MED13L: variants seen among roughly 807,000 people sequenced by gnomAD.
MED13L encodes mediator of RNA polymerase II transcription subunit 13-like.
MED13L carries 7 observed loss-of-function variants against 220.9 expected under a neutral mutation model. The ratio of observed to expected loss-of-function variants is 0.03; its 90% confidence interval spans 0.02 to 0.06. MED13L has a LOEUF of 0.06. Ranked by LOEUF, MED13L falls within the 10% of genes least tolerant of loss-of-function variation. The probability of loss-of-function intolerance (pLI) is 1.00; values close to 1 mark genes in which losing one functional copy is unlikely to be tolerated. For synonymous variants in MED13L, 1,011 were observed against 1,015.2 expected, an observed-to-expected ratio of 1.00 and a Z score of 0.08; for missense variants, 1,965 against 2,760.5, an observed-to-expected ratio of 0.71 and a Z score of 6.46.
rs1232643330 is a variant in MED13L at position 115,959,556 on chromosome 12, CTGAT to C, written c.*1706_*1709del. The C allele has an allele frequency of 1.3e-5, 2 of 152,476 alleles. No homozygotes were observed. Among genetic ancestry groups the C allele is most frequent in the Non-Finnish European group, 1.5e-5 (1 of 67,998 alleles). 9.4% of individuals were successfully genotyped at this position (152,476 alleles called of 1,614,324 possible). A position where few individuals can be genotyped will look rare whatever the true frequency, so the allele number is the denominator to read the frequency against. Reference sequence around the variant, plus strand: ...CAAAAGGCCTTGAGAATTTTCCTTTCTGATTAAGAAAAAATAGCACTGCAATATT... The same window carrying C: ...CAAAAGGCCTTGAGAATTTTCCTTTCTAAGAAAAAATAGCACTGCAATATT... On this transcript the variant is annotated 3_prime_UTR_variant, in exon 31 of 31. Coordinates refer to ENST00000281928, the MANE Select transcript of MED13L (RefSeq NM_015335.5).
intron 2 of MED13L, among the ~76,000 whole-genome samples, chr12:116,183,943 G>A (rs561875148): frequency 6.6e-6 from 1 of 151,986 alleles, no homozygotes; most frequent in Admixed American, 6.6e-5. Context: ...GAAATTCTGA[G>A]GTTTGTACAT....
intron 7 of MED13L, 135 bp from the exon 8 acceptor site, chr12:116,015,409 C>A (rs1353120378): frequency 1.1e-6 from 1 of 889,582 alleles, no homozygotes; most frequent in Non-Finnish European, 1.8e-6. Context: ...TATCCCCTGG[C>A]AATAACACTA....
chr12:116,234,844 G>C (rs1328219460), intron 2 of MED13L, among the ~76,000 whole-genome samples: 1 of 149,034 alleles, frequency 6.7e-6, no homozygotes, highest in Non-Finnish European at 1.5e-5. Context: ...TTTATTTTTT[G>C]TAAACACAGG....
intron 2 of MED13L, chr12:116,232,026 A>G: frequency 1.1e-6 from 1 of 948,568 alleles, no homozygotes; most frequent in Non-Finnish European, 1.3e-6. Context: ...TGAGTTCAAT[A>G]AACAATAGTA....
At position 116,098,449 on chromosome 12, in the gene MED13L, A is replaced by G. The variant is rs114258650; in HGVS notation, c.396-1697T>C. Among the ~76,000 whole-genome samples, 1,205 of 152,322 alleles carry G rather than the reference A, an allele frequency of 7.9e-3. 16 individuals carry two copies. The highest frequency in any genetic ancestry group is 0.027 in the African/African-American group (1,123 of 41,566). ...GGTCCTACCTACCAGCAAAAGAGTT[A>G]TATAGCAATTCTTTATTCCATATTG... On this transcript the variant is annotated intron_variant, in intron 3 of 30. Transcript: ENST00000281928.
intron 2 of MED13L, among the ~76,000 whole-genome samples, chr12:116,195,519 C>T (rs1411947513): frequency 6.6e-6 from 1 of 152,084 alleles, no homozygotes; most frequent in Non-Finnish European, 1.5e-5. Context: ...AGCACAATCT[C>T]GGCTCACTGC....
chr12:116,067,633 C>T (rs1870049004), intron 4 of MED13L, among the ~76,000 whole-genome samples: 1 of 152,124 alleles, frequency 6.6e-6, no homozygotes, highest in South Asian at 2.1e-4. Context: ...TAAAGCATCC[C>T]CCCAAAGTTA....
At chr12:116,209,488 A>T (rs1426138170) in intron 2 of MED13L, among the ~76,000 whole-genome samples, 1 of 152,124 alleles carries the variant, frequency 6.6e-6, no homozygotes, top group South Asian at 2.1e-4. Context: ...CACATTCTCA[A>T]TCTCTGGCCC....
At chr12:116,029,721 T>C (rs879837244) in intron 4 of MED13L, among the ~76,000 whole-genome samples, 3 of 152,176 alleles carry the variant, frequency 2.0e-5, no homozygotes, top group African/African-American at 4.8e-5. Flanking sequence ...CACACTGGTA[T>C]GCAATACAGC....
At chr12:116,007,233 T>C (rs1040338175) in intron 11 of MED13L, 178 bp downstream of exon 11, 1 of 663,970 alleles carries the variant, frequency 1.5e-6, no homozygotes, top group Non-Finnish European at 2.7e-6. Context: ...AGGTGAGCCA[T>C]GACATAAAAA....
intron 2 of MED13L, among the ~76,000 whole-genome samples, chr12:116,207,677 A>T (rs1261190812): frequency 6.6e-6 from 1 of 152,196 alleles, no homozygotes; most frequent in East Asian, 1.9e-4. Flanking sequence ...TGGGAAAAAG[A>T]AGATACAGAC....
At chr12:115,995,921 C>T (rs1304710133) in intron 16 of MED13L, among the ~76,000 whole-genome samples, 1 of 152,104 alleles carries the variant, frequency 6.6e-6, no homozygotes, top group African/African-American at 2.4e-5. Context: ...TTTACATCAT[C>T]AAAAAGTCAA....
intron 3 of MED13L, among the ~76,000 whole-genome samples, chr12:116,102,702 T>TCTTTTTC (rs1565878484): frequency 7.9e-5 from 7 of 88,710 alleles, no homozygotes; most frequent in African/African-American, 2.8e-4. Flanking sequence ...TTTTTCTTTT[T>TCTTTTTC]CTTTTTTCTT....
intron 2 of MED13L, among the ~76,000 whole-genome samples, chr12:116,164,006 T>C (rs986432556): frequency 6.6e-6 from 1 of 152,174 alleles, no homozygotes; most frequent in Admixed American, 6.5e-5. Flanking sequence ...AAGGGAAATA[T>C]TTTAAGTTCA....
rs561400857 is a variant in MED13L, at chr12:116,203,173, C to T, written c.310+34295G>A. 2.6e-5 allele frequency among the ~76,000 whole-genome samples: 4 copies of T among 152,288 alleles called. No homozygotes were observed. The South Asian group carries it at 6.2e-4, about 24-fold the overall frequency. On this transcript the variant is annotated intron_variant, in intron 2 of 30. Coordinates refer to ENST00000281928, the MANE Select transcript of MED13L (RefSeq NM_015335.5). ...GCCTCAGAGACCTCAAGACAAATGT[C>T]TCCACACCATCTTCAGGCAGGAATG...
In MED13L at chr12:115,966,592, C is replaced by T. The variant is rs190554906; in HGVS notation, c.6226-349G>A. Among the ~76,000 whole-genome samples the T allele has an allele frequency of 1.2e-4, 18 of 152,334 alleles. No homozygotes were observed. The Middle Eastern group carries it at 0.014, about 115-fold the overall frequency. ...GAAGGCTCTACCACACGCAGGTGCT[C>T]TTTCACCAGCAACCAGCCAAAGACA... is the stretch of plus-strand genomic sequence containing the variant. On this transcript the variant is annotated intron_variant, in intron 28 of 30. Coordinates refer to ENST00000281928, the MANE Select transcript of MED13L (RefSeq NM_015335.5).
chr12:116,109,208 CCACAGGAG>C (rs1873874896), intron 3 of MED13L, among the ~76,000 whole-genome samples: 1 of 151,426 alleles, frequency 6.6e-6, no homozygotes, highest in African/African-American at 2.4e-5. Flanking sequence ...GCAGCTGTGA[CCACAGGAG>C]CACACCATCA....
chr12:115,995,841 G>A (rs1422633670), intron 16 of MED13L, among the ~76,000 whole-genome samples: 1 of 152,162 alleles, frequency 6.6e-6, no homozygotes, highest in African/African-American at 2.4e-5. Context: ...ATCAAATACT[G>A]TACTGAAAGT....
chr12:116,107,945 C>T (rs1593052263), intron 3 of MED13L, among the ~76,000 whole-genome samples: 1 of 152,148 alleles, frequency 6.6e-6, no homozygotes, highest in East Asian at 1.9e-4. Context: ...CAAAAATTAG[C>T]TGGGCATGGT....
Sources: allele counts gnomAD v4.1 joint callset (sites outside exome capture counted in the v4.1 genomes callset), GRCh38; gene constraint gnomAD v4.1.1; transcripts MANE v1.5; gene names NCBI Gene and HGNC (gene_info 2026-07-23, HGNC 2026-07-21).